The following ROBO2 variants were observed in gnomAD, a reference collection of about 807,000 sequenced individuals.
ROBO2 encodes roundabout homolog 2.
Under a neutral mutation model 160.8 loss-of-function variants are expected in ROBO2, and 53 were observed. That is an observed-to-expected ratio of 0.33 (90% CI 0.26 to 0.41). The LOEUF (loss-of-function observed/expected upper bound fraction) is 0.41. Ranked by LOEUF, ROBO2 falls within the 10% of genes least tolerant of loss-of-function variation. ROBO2 has a pLI of 1.00. For synonymous variants in ROBO2, 664 were observed against 611.7 expected, an observed-to-expected ratio of 1.09 and a Z score of -1.26; for missense variants, 1,577 against 1,722.4, an observed-to-expected ratio of 0.92 and a Z score of 1.49.
At chr3:77,098,491 A>T in intron 2 of ROBO2, 151 bp downstream of exon 2, 1 of 790,952 alleles carries the variant, frequency 1.3e-6, no homozygotes, top group South Asian at 1.6e-5. Context: ...TGGTCAAGAT[A>T]GTATCAAGCC....
At chr3:76,815,706 T>G (rs1212507999) in intron 2 of ROBO2, among the ~76,000 whole-genome samples, 2 of 151,734 alleles carry the variant, frequency 1.3e-5, no homozygotes, top group African/African-American at 4.8e-5. Flanking sequence ...CTAATGAGAG[T>G]GTAATATTAA....
chr3:76,577,388 C>T lies in ROBO2; in HGVS notation c.110-520626C>T, dbSNP rs1332791837. On this transcript the variant is annotated intron_variant, in intron 2 of 26. Transcript: ENST00000487694. Reference sequence around the variant, plus strand: ...TGGTTCTGTAAGCAATGACCTTACACAGCTTTCCCTTGGAAACTAATAAAC... The same window carrying T: ...TGGTTCTGTAAGCAATGACCTTACATAGCTTTCCCTTGGAAACTAATAAAC... Among the ~76,000 whole-genome samples the T allele has an allele frequency of 3.3e-5, 5 of 152,160 alleles. No homozygotes were observed. The East Asian group carries it at 9.7e-4, about 29-fold the overall frequency.
intron 2 of ROBO2, among the ~76,000 whole-genome samples, chr3:76,624,624 C>T (rs552654165): frequency 2.0e-5 from 3 of 151,418 alleles, no homozygotes; most frequent in East Asian, 3.9e-4. Context: ...CGTGGTGAAA[C>T]CCCGTCTCTA....
At chr3:76,159,617 G>C (rs549729127) in intron 2 of ROBO2, among the ~76,000 whole-genome samples, 5 of 152,234 alleles carry the variant, frequency 3.3e-5, no homozygotes, top group Admixed American at 3.3e-4. Context: ...ATAAACATAT[G>C]AACAGTTTGG....
intron 3 of ROBO2, 92 bp downstream of exon 3, chr3:77,477,663 C>A: frequency 8.0e-7 from 1 of 1,250,714 alleles, no homozygotes; most frequent in Non-Finnish European, 1.1e-6. Flanking sequence ...ATTATTAATA[C>A]AATTGTATTT....
chr3:76,981,909 T>C (rs1231074484), intron 2 of ROBO2, among the ~76,000 whole-genome samples: 1 of 151,932 alleles, frequency 6.6e-6, no homozygotes, highest in Non-Finnish European at 1.5e-5. Context: ...CAGAACAAAC[T>C]CACTATCTTA....
At chr3:76,738,235 T>C (rs2093746532) in intron 2 of ROBO2, among the ~76,000 whole-genome samples, 2 of 152,130 alleles carry the variant, frequency 1.3e-5, no homozygotes, top group South Asian at 4.1e-4. Context: ...AATAAAGCAA[T>C]GAAAAACAAG....
chr3:77,527,393 A>T lies in ROBO2; in HGVS notation c.934+4491A>T. 7.8e-7 allele frequency: 1 copy of T among 1,287,988 alleles called. No individual in the cohort carries two copies. Among genetic ancestry groups the T allele is most frequent in the Non-Finnish European group, 1.0e-6 (1 of 987,858 alleles). 79.8% of individuals were successfully genotyped at this position (1,287,988 alleles called of 1,614,324 possible). A position where few individuals can be genotyped will look rare whatever the true frequency, so the allele number is the denominator to read the frequency against. On this transcript the variant is annotated intron_variant, in intron 6 of 25. Coordinates refer to ENST00000461745, the Ensembl canonical transcript of ROBO2. ...TTTATGTTCTCACCACACCATTGTA[A>T]TGTCTACAGCTCGCCCTGTTGGTAA...
intron 2 of ROBO2, among the ~76,000 whole-genome samples, chr3:76,235,193 A>T (rs1704865696): frequency 6.6e-6 from 1 of 152,130 alleles, no homozygotes. Context: ...CCAAGTTAAG[A>T]TGGAATCATA....
intron 2 of ROBO2, among the ~76,000 whole-genome samples, chr3:76,864,593 G>A (rs543712873): frequency 9.2e-5 from 14 of 152,008 alleles, no homozygotes; most frequent in African/African-American, 2.9e-4. Context: ...CAAAAATTCT[G>A]TCACCGTATG....
At chr3:76,958,276 A>G (rs1217441106) in intron 2 of ROBO2, among the ~76,000 whole-genome samples, 1 of 152,170 alleles carries the variant, frequency 6.6e-6, no homozygotes, top group Non-Finnish European at 1.5e-5. Context: ...TTTTCTAAGC[A>G]TTTACCTCCT....
At chr3:77,501,928 C>T (rs1339198115) in intron 5 of ROBO2, among the ~76,000 whole-genome samples, 1 of 152,056 alleles carries the variant, frequency 6.6e-6, no homozygotes, top group Admixed American at 6.6e-5. Context: ...TTCAAAATAG[C>T]TGTTTCTGAC....
At chr3:77,531,005 T>A (rs2091681383) in intron 6 of ROBO2, among the ~76,000 whole-genome samples, 1 of 151,974 alleles carries the variant, frequency 6.6e-6, no homozygotes, top group Admixed American at 6.6e-5. Context: ...CCACATTTTT[T>A]CCCAGCAGCA....
intron 2 of ROBO2, among the ~76,000 whole-genome samples, chr3:76,783,293 T>A (rs2108631470): frequency 6.6e-6 from 1 of 151,028 alleles, no homozygotes; most frequent in African/African-American, 2.4e-5. Flanking sequence ...GAGTTAAAAG[T>A]AATTTGTGCA....
intron 2 of ROBO2, among the ~76,000 whole-genome samples, chr3:76,936,360 A>G (rs578186002): frequency 3.3e-5 from 5 of 152,176 alleles, no homozygotes; most frequent in Non-Finnish European, 7.3e-5. Flanking sequence ...TTGTATATAA[A>G]ATATCCAGAT....
At chr3:77,419,105 ATTG>A (rs1164711160) in intron 2 of ROBO2, among the ~76,000 whole-genome samples, 2 of 152,070 alleles carry the variant, frequency 1.3e-5, no homozygotes, top group African/African-American at 4.8e-5. Flanking sequence ...GTTTCTCACT[ATTG>A]TTTCAATTTA....
chr3:77,525,392 A>T (rs2153630253), intron 6 of ROBO2, among the ~76,000 whole-genome samples: 1 of 148,276 alleles, frequency 6.7e-6, no homozygotes, highest in Admixed American at 6.9e-5. Flanking sequence ...AAACAGATCT[A>T]CTCAGTTATT....
At chr3:76,614,517 T>A (rs1163411674) in intron 2 of ROBO2, among the ~76,000 whole-genome samples, 1 of 152,102 alleles carries the variant, frequency 6.6e-6, no homozygotes. Context: ...TTTTTTTAAT[T>A]TTTATGAACT....
intron 1 of ROBO2, among the ~76,000 whole-genome samples, chr3:75,929,746 G>A (rs1947455078): frequency 6.6e-6 from 1 of 151,978 alleles, no homozygotes; most frequent in Non-Finnish European, 1.5e-5. Flanking sequence ...CCAGGCTGGA[G>A]TATAATGGTG....
Sources: gnomAD v4.1 joint callset for allele counts (sites outside exome capture counted in the v4.1 genomes callset) on GRCh38, gnomAD v4.1.1 for gene constraint, MANE v1.5 for transcripts, NCBI Gene and HGNC (gene_info 2026-07-23, HGNC 2026-07-21) for gene names.